The following PDE1A variants were observed in gnomAD, a reference collection of about 807,000 sequenced individuals.
PDE1A encodes the protein phosphodiesterase 1A.
A neutral mutation model predicts 61.7 loss-of-function variants in PDE1A; 35 were observed. The ratio of observed to expected loss-of-function variants is 0.57; its 90% confidence interval spans 0.43 to 0.75. The LOEUF (loss-of-function observed/expected upper bound fraction) is 0.75. Ranked by LOEUF, PDE1A falls within the 30% of genes least tolerant of loss-of-function variation. The probability of loss-of-function intolerance (pLI) is 0.00; values close to 1 mark genes in which losing one functional copy is unlikely to be tolerated. For synonymous variants in PDE1A, 232 were observed against 213.2 expected (o/e 1.09, Z -0.77); for missense variants, 597 against 630.6 (o/e 0.95, Z 0.57).
intron 1 of PDE1A, among the ~76,000 whole-genome samples, chr2:182,312,948 T>G (rs757446969): frequency 6.6e-6 from 1 of 152,184 alleles, no homozygotes; most frequent in Non-Finnish European, 1.5e-5. Flanking sequence ...ATCTCTCTAT[T>G]TATTTGTGAC....
the PDE1A span, among the ~76,000 whole-genome samples, chr2:182,596,712 TGG>T: frequency 2.6e-5 from 4 of 151,510 alleles, no homozygotes; most frequent in African/African-American, 7.3e-5. Flanking sequence ...GATGGATGGA[TGG>T]ATGGGAAAAA....
intron 2 of PDE1A, among the ~76,000 whole-genome samples, chr2:182,256,038 C>CTTTTTTTTTTTTTTTTTTTCTTT (rs1691762728): frequency 8.7e-5 from 8 of 92,322 alleles, no homozygotes; most frequent in South Asian, 4.0e-4. Flanking sequence ...AGGATGACTT[C>CTTTTTTTTTTTTTTTTTTTCTTT]TTTTTTTTTT....
At chr2:182,170,349 A>G (rs1411226707) in intron 13 of PDE1A, among the ~76,000 whole-genome samples, 1 of 152,076 alleles carries the variant, frequency 6.6e-6, no homozygotes, top group Non-Finnish European at 1.5e-5. Flanking sequence ...TCCCAAATTC[A>G]TAACTTTCAA....
chr2:182,156,026 C>T (rs933255850), intron 13 of PDE1A, among the ~76,000 whole-genome samples: 2 of 152,120 alleles, frequency 1.3e-5, no homozygotes, highest in Non-Finnish European at 2.9e-5. Flanking sequence ...TAAATGGGAA[C>T]TCCCCTGCAC....
At chr2:182,563,170 C>T in the PDE1A span, among the ~76,000 whole-genome samples, 1 of 152,050 alleles carries the variant, frequency 6.6e-6, no homozygotes, top group Non-Finnish European at 1.5e-5. Flanking sequence ...TTGGATCTTT[C>T]CTGCTTTCTC....
At chr2:182,500,324 G>T (rs993194391) in intron 2 of PDE1A, among the ~76,000 whole-genome samples, 6 of 152,176 alleles carry the variant, frequency 3.9e-5, no homozygotes, top group African/African-American at 1.4e-4. Flanking sequence ...AGGAGGGTCA[G>T]TCAGGAGGGG....
chr2:182,595,993 A>G, the PDE1A span, among the ~76,000 whole-genome samples: 1 of 152,226 alleles, frequency 6.6e-6, no homozygotes, highest in African/African-American at 2.4e-5. Context: ...CTTTTAAAGG[A>G]GTAACTTAAA....
intron 1 of PDE1A, among the ~76,000 whole-genome samples, chr2:182,355,709 A>C (rs891067441): frequency 6.6e-6 from 1 of 152,130 alleles, no homozygotes; most frequent in African/African-American, 2.4e-5. Context: ...ATTTTTAAAA[A>C]GGCTTTTAAT....
exon 10 of PDE1A, chr2:182,201,484 C>A: frequency 1.2e-6 from 2 of 1,614,038 alleles, no homozygotes; most frequent in Non-Finnish European, 1.7e-6. Context: ...ACCGATAATG[C>A]AGCTTCCAGG....
intron 2 of PDE1A, among the ~76,000 whole-genome samples, chr2:182,507,716 A>G (rs1413428695): frequency 1.3e-5 from 2 of 152,244 alleles, no homozygotes; most frequent in African/African-American, 4.8e-5. Flanking sequence ...AATAAATCAT[A>G]TCTTTGGAAA....
the PDE1A span, among the ~76,000 whole-genome samples, chr2:182,686,956 C>T: frequency 6.6e-6 from 1 of 152,192 alleles, no homozygotes; most frequent in African/African-American, 2.4e-5. Flanking sequence ...TGAGATCAAA[C>T]TTCAAGGCGG....
chr2:182,401,024 A>C (rs1559422028), intron 1 of PDE1A, among the ~76,000 whole-genome samples: 1 of 152,052 alleles, frequency 6.6e-6, no homozygotes, highest in African/African-American at 2.4e-5. Context: ...TCAGTAAAAA[A>C]CCTGTATACC....
chr2:182,246,272 C>T (rs1232919762), intron 2 of PDE1A, among the ~76,000 whole-genome samples: 3 of 152,128 alleles, frequency 2.0e-5, no homozygotes, highest in Admixed American at 6.5e-5. Flanking sequence ...ATCTTGTACT[C>T]AGATATTTGT....
intron 2 of PDE1A, among the ~76,000 whole-genome samples, chr2:182,473,825 T>A (rs1269161654): frequency 6.6e-6 from 1 of 152,034 alleles, no homozygotes; most frequent in African/African-American, 2.4e-5. Flanking sequence ...GATCTCATTC[T>A]TTTTCATGGG....
At chr2:182,191,162 G>T (rs1685654808) in intron 10 of PDE1A, among the ~76,000 whole-genome samples, 1 of 152,008 alleles carries the variant, frequency 6.6e-6, no homozygotes, top group African/African-American at 2.4e-5. Context: ...GACAAGAAAG[G>T]ATTTCCACTT....
At chr2:182,565,979 C>G in the PDE1A span, among the ~76,000 whole-genome samples, 13 of 152,236 alleles carry the variant, frequency 8.5e-5, no homozygotes, top group African/African-American at 3.1e-4. Flanking sequence ...TGACTTGGAT[C>G]AGACATGTAG....
At chr2:182,420,380 T>C (rs1350031008) in intron 1 of PDE1A, among the ~76,000 whole-genome samples, 1 of 152,214 alleles carries the variant, frequency 6.6e-6, no homozygotes, top group African/African-American at 2.4e-5. Context: ...GTGGGGATTT[T>C]CTTTTCCTAC....
chr2:182,592,703 GT>G, the PDE1A span, among the ~76,000 whole-genome samples: 1 of 152,190 alleles, frequency 6.6e-6, no homozygotes, highest in Non-Finnish European at 1.5e-5. Context: ...ACATGGAGGT[GT>G]TTTGGATAAA....
At chr2:182,265,974 G>A (rs1031844194) in intron 1 of PDE1A, among the ~76,000 whole-genome samples, 4 of 152,028 alleles carry the variant, frequency 2.6e-5, no homozygotes, top group Non-Finnish European at 5.9e-5. Context: ...CAATGCCAAG[G>A]GTGAAGATAC....
Sources: gnomAD v4.1 joint callset for allele counts (sites outside exome capture counted in the v4.1 genomes callset) on GRCh38, gnomAD v4.1.1 for gene constraint, MANE v1.5 for transcripts, NCBI Gene and HGNC (gene_info 2026-07-23, HGNC 2026-07-21) for gene names.